NRG3: variants seen among roughly 807,000 people sequenced by gnomAD.
NRG3 encodes neuregulin 3.
Under a neutral mutation model 66.9 loss-of-function variants are expected in NRG3, and 31 were observed. That is an observed-to-expected ratio of 0.46 (90% CI 0.35 to 0.63). NRG3 has a LOEUF of 0.63. NRG3 is among the 20% of genes least tolerant of loss of function. NRG3 has a pLI of 0.00. For synonymous variants in NRG3, 393 were observed against 359.4 expected (o/e 1.09, Z -1.06); for missense variants, 910 against 878.9 (o/e 1.04, Z -0.45).
chr10:82,774,583 A>G (rs1484813054), intron 3 of NRG3, among the ~76,000 whole-genome samples: 2 of 151,798 alleles, frequency 1.3e-5, no homozygotes, highest in Non-Finnish European at 2.9e-5. Context: ...GCCGATTATG[A>G]TCCTTCTTTT....
At chr10:82,626,373 A>G (rs1360273709) in intron 2 of NRG3, among the ~76,000 whole-genome samples, 2 of 152,110 alleles carry the variant, frequency 1.3e-5, no homozygotes, top group Non-Finnish European at 2.9e-5. Context: ...AGATCTCAGT[A>G]CACCCTGGGG....
In NRG3 at chr10:82,146,637, G is replaced by A. The variant is rs148798318; in HGVS notation, c.824-212102G>A. On this transcript the variant is annotated intron_variant, in intron 1 of 8. Coordinates refer to ENST00000372141, the MANE Select transcript of NRG3 (RefSeq NM_001010848.4). The stretch of plus-strand genomic sequence containing the variant: ...GGTCCAATAATAATATTGACCATAT[G>A]CTTTTCTAAGGCAAGCAGACATACA... Among the ~76,000 whole-genome samples, 184 of 152,224 alleles carry A rather than the reference G, an allele frequency of 1.2e-3. 1 individual carries two copies. The highest frequency in any genetic ancestry group is 2.0e-3 in the Non-Finnish European group (139 of 68,020).
intron 3 of NRG3, among the ~76,000 whole-genome samples, chr10:82,821,499 A>T (rs1413364937): frequency 2.4e-5 from 3 of 124,516 alleles, no homozygotes; most frequent in Non-Finnish European, 5.0e-5. Flanking sequence ...GCCCACACTT[A>T]ACTGAAAAAA....
chr10:82,773,680 A>C (rs1159046282), intron 3 of NRG3, among the ~76,000 whole-genome samples: 1 of 151,898 alleles, frequency 6.6e-6, no homozygotes, highest in Non-Finnish European at 1.5e-5. Context: ...TTTTATCATC[A>C]TTATTATCAA....
At chr10:82,562,031 A>C (rs2045079691) in intron 2 of NRG3, among the ~76,000 whole-genome samples, 5 of 152,206 alleles carry the variant, frequency 3.3e-5, no homozygotes, top group Admixed American at 3.3e-4. Context: ...TCTTGGAATT[A>C]GACAAACCTT....
chr10:82,235,039 G>A (rs907535179), intron 1 of NRG3, among the ~76,000 whole-genome samples: 6 of 152,162 alleles, frequency 3.9e-5, no homozygotes, highest in African/African-American at 1.4e-4. Context: ...TCCTAATTAG[G>A]CTCAGTGTCT....
chr10:82,598,975 AG>A (rs1464135017), intron 2 of NRG3, among the ~76,000 whole-genome samples: 1 of 152,092 alleles, frequency 6.6e-6, no homozygotes, highest in Non-Finnish European at 1.5e-5. Context: ...GCTTGAACAC[AG>A]GAGGTGGAGG....
chr10:82,392,894 A>T (rs577769815), intron 2 of NRG3, among the ~76,000 whole-genome samples: 11,834 of 147,130 alleles, frequency 0.08, 699 homozygotes, highest in African/African-American at 0.17. Context: ...ATATATATAT[A>T]TATATTTTTT....
intron 1 of NRG3, among the ~76,000 whole-genome samples, chr10:82,044,065 G>T (rs937467662): frequency 1.3e-5 from 2 of 152,064 alleles, no homozygotes; most frequent in Non-Finnish European, 2.9e-5. Context: ...ATCCAGGAAT[G>T]AAGGTTTGCA....
At chr10:82,020,572 T>A (rs2062014442) in intron 1 of NRG3, among the ~76,000 whole-genome samples, 1 of 152,106 alleles carries the variant, frequency 6.6e-6, no homozygotes, top group African/African-American at 2.4e-5. Flanking sequence ...AAGAAGAGAC[T>A]TTTACCAGAT....
chr10:81,942,576 AT>A (rs1372054861), intron 1 of NRG3, among the ~76,000 whole-genome samples: 10 of 152,200 alleles, frequency 6.6e-5, no homozygotes, highest in Admixed American at 6.6e-4. Flanking sequence ...TTATCTTAAA[AT>A]TAGCTAGATT....
At chr10:82,705,406 T>C (rs2494028) in intron 2 of NRG3, among the ~76,000 whole-genome samples, 137,908 of 152,204 alleles carry the variant, frequency 0.91, 62,567 homozygotes, top group East Asian at 1. Flanking sequence ...CCCAGCAATC[T>C]GTTTGTTAAC....
intron 2 of NRG3, among the ~76,000 whole-genome samples, chr10:82,714,316 G>T (rs1412364607): frequency 6.6e-6 from 1 of 152,074 alleles, no homozygotes; most frequent in African/African-American, 2.4e-5. Flanking sequence ...AAAAAAATGT[G>T]GATGGATGCT....
In NRG3 at chr10:82,985,658, G is replaced by A; in HGVS notation, c.*53G>A. 6.5e-7 allele frequency: 1 copy of A among 1,539,134 alleles called. No individual in the cohort carries two copies. The highest frequency in any genetic ancestry group is 8.7e-7 in the Non-Finnish European group (1 of 1,148,824). ...ATGCTTTGCTCAACAGGAAAGAGAG[G>A]AAATCAAATACAAATTATTTATATG... is the stretch of plus-strand genomic sequence containing the variant. On this transcript the variant is annotated 3_prime_UTR_variant, in exon 9 of 9. Transcript: ENST00000372141.
chr10:81,975,318 T>C (rs2060079027), intron 1 of NRG3, among the ~76,000 whole-genome samples: 1 of 7,504 alleles, frequency 1.3e-4, no homozygotes, highest in East Asian at 2.0e-3. Flanking sequence ...GTGTAACATC[T>C]ATCTATCTAT....
rs115318117 is a variant in NRG3 at position 82,869,485 on chromosome 10, C to T, written c.1054+4048C>T. Among the ~76,000 whole-genome samples, 1,024 of 152,130 alleles carry T rather than the reference C, an allele frequency of 6.7e-3. 7 individuals are homozygous for T. Among genetic ancestry groups the T allele is most frequent in the African/African-American group, 0.022 (923 of 41,512 alleles). On this transcript the variant is annotated intron_variant, in intron 4 of 8. Coordinates refer to ENST00000372141, the MANE Select transcript of NRG3 (RefSeq NM_001010848.4). ...GATATGTATCCATTATTATATTATCCTACAGAGTAGGTTTACTGCCCTAAA... is the reference window on the plus strand; with the variant it reads ...GATATGTATCCATTATTATATTATCTTACAGAGTAGGTTTACTGCCCTAAA...
intron 2 of NRG3, among the ~76,000 whole-genome samples, chr10:82,637,526 C>G (rs2050281914): frequency 6.6e-6 from 1 of 152,050 alleles, no homozygotes; most frequent in Admixed American, 6.6e-5. Context: ...AGTCAAGTCC[C>G]ATAGGATATA....
chr10:82,777,856 G>A (rs1016005573), intron 3 of NRG3, among the ~76,000 whole-genome samples: 1 of 152,172 alleles, frequency 6.6e-6, no homozygotes, highest in Non-Finnish European at 1.5e-5. Flanking sequence ...GTTGGGGCAC[G>A]GCTGTAGCTT....
At chr10:82,491,306 A>ATATATATACATATATATATATATATATG in intron 2 of NRG3, among the ~76,000 whole-genome samples, 3 of 134,756 alleles carry the variant, frequency 2.2e-5, no homozygotes, top group Non-Finnish European at 3.3e-5. Context: ...ATATATATAT[A>ATATATATACATATATATATATATATATG]TATATATATA....
Sources: allele counts gnomAD v4.1 joint callset (sites outside exome capture counted in the v4.1 genomes callset), GRCh38; gene constraint gnomAD v4.1.1; transcripts MANE v1.5; gene names NCBI Gene and HGNC (gene_info 2026-07-23, HGNC 2026-07-21).